Variants in SULT1B1 observed in about 807,000 individuals in gnomAD.
The protein encoded by SULT1B1 is sulfotransferase family 1B member 1.
SULT1B1 carries 28 observed loss-of-function variants against 34.6 expected under a neutral mutation model. The observed-to-expected ratio is 0.81, with a 90% CI of 0.60 to 1.11. SULT1B1 has a LOEUF of 1.11. Ranked by LOEUF, SULT1B1 falls within the 50% of genes least tolerant of loss-of-function variation. SULT1B1 has a pLI of 0.00. For synonymous variants in SULT1B1, 147 were observed against 110.2 expected (o/e 1.33, Z -2.09); for missense variants, 374 against 352.2 (o/e 1.06, Z -0.50).
At chr4:69,760,147 G>A in intron 1 of SULT1B1, 1 of 695,124 alleles carries the variant, frequency 1.4e-6, no homozygotes, top group Non-Finnish European at 1.8e-6. Context: ...AGGACTGGAT[G>A]AAGGATGGGA....
At chr4:69,740,395 G>A (rs560917723) in intron 4 of SULT1B1, among the ~76,000 whole-genome samples, 1 of 152,274 alleles carries the variant, frequency 6.6e-6, no homozygotes, top group South Asian at 2.1e-4. Context: ...GGGAGTTTTA[G>A]CAAGGGAAAT....
In SULT1B1 at chr4:69,760,571, C is replaced by A. The variant is rs1253231757; in HGVS notation, c.-157G>T. ...AGGCAATGGGGAGCACAGGAAGGCT[C>A]CTGGCACCAGAAAAAAAAAAGTTCA... On this transcript the variant is annotated 5_prime_UTR_variant, in exon 1 of 8. Coordinates refer to ENST00000310613, the MANE Select transcript of SULT1B1 (RefSeq NM_014465.4). The A allele has an allele frequency of 6.6e-6, 1 of 152,048 alleles. No homozygotes were observed. Among genetic ancestry groups the A allele is most frequent in the Non-Finnish European group, 1.5e-5 (1 of 68,026 alleles). The allele number at this position is 152,048 out of a possible 1,614,324, so 9.4% of individuals were successfully genotyped here.
intron 4 of SULT1B1, among the ~76,000 whole-genome samples, chr4:69,735,576 T>TGA (rs1718271215): frequency 6.6e-6 from 1 of 152,138 alleles, no homozygotes; most frequent in African/African-American, 2.4e-5. Flanking sequence ...CGAAGGCTTC[T>TGA]CTCCAATTTT....
chr4:69,734,151 G>T lies in SULT1B1; in HGVS notation c.489C>A (p.Phe163Leu). The stretch of plus-strand genomic sequence containing the variant: ...AAGTCCACATACCTTTTCCAGTTAA[G>T]AATTTCTCCAGATATTCTTCCCAGG... ...PGTWEEYLEKFLTGKVAYGSW... is the reference protein window; with the variant it reads ...PGTWEEYLEKLLTGKVAYGSW... Residue 163 changes from phenylalanine (F) to leucine (L), a missense_variant, in exon 5 of 8, where the codon TTC (phenylalanine) becomes TTA (leucine). Transcript: ENST00000310613. 6.2e-7 allele frequency: 1 copy of T among 1,608,924 alleles called. No individual in the cohort carries two copies. The highest frequency in any genetic ancestry group is 8.5e-7 in the Non-Finnish European group (1 of 1,177,490).
Position 69,724,196 on chromosome 4 carries a change from T to C in SULT1B1, c.*2892A>G, listed in dbSNP as rs1467861756. 1 of 152,194 alleles carries C rather than the reference T, an allele frequency of 6.6e-6. No individual in the cohort carries two copies. The highest frequency in any genetic ancestry group is 2.4e-5 in the African/African-American group (1 of 41,450). 9.4% of individuals were successfully genotyped at this position (152,194 alleles called of 1,614,324 possible). On this transcript the variant is annotated 3_prime_UTR_variant, in exon 8 of 8. Coordinates refer to ENST00000310613, the MANE Select transcript of SULT1B1 (RefSeq NM_014465.4). ...GCAAAGTCTCAGGATACAAAATCAA[T>C]GTACAAAAATCACAAGCATTCTTAT...
At chr4:69,729,391 C>T (rs1717971360) in intron 7 of SULT1B1, among the ~76,000 whole-genome samples, 1 of 151,990 alleles carries the variant, frequency 6.6e-6, no homozygotes, top group Admixed American at 6.6e-5. Context: ...TGGAACCAAT[C>T]CCCCACATAT....
intron 4 of SULT1B1, among the ~76,000 whole-genome samples, chr4:69,737,122 C>T (rs11731028): frequency 0.3 from 44,782 of 151,730 alleles, 7,684 homozygotes; most frequent in South Asian, 0.45. Context: ...CAGCACATTG[C>T]ATAATAAAAA....
At chr4:69,732,199 G>A (rs1056073888) in intron 6 of SULT1B1, among the ~76,000 whole-genome samples, 1 of 152,186 alleles carries the variant, frequency 6.6e-6, no homozygotes, top group Admixed American at 6.5e-5. Flanking sequence ...CAAACCCTGT[G>A]TAAAGGGACA....
At position 69,732,601 on chromosome 4, in the gene SULT1B1, A is replaced by G. The variant is rs187467646; in HGVS notation, c.597+812T>C. Among the ~76,000 whole-genome samples, 24 of 152,126 alleles carry G rather than the reference A, an allele frequency of 1.6e-4. No individual in the cohort carries two copies. The East Asian group carries it at 4.6e-3, about 29-fold the overall frequency. ...TTCTAACTTGTATGTTCAGGCTTTT[A>G]TAAGTAAGGAACTAATTTCAACATG... On this transcript the variant is annotated intron_variant, in intron 6 of 7. Coordinates refer to ENST00000310613, the MANE Select transcript of SULT1B1 (RefSeq NM_014465.4).
intron 4 of SULT1B1, among the ~76,000 whole-genome samples, chr4:69,739,227 G>A (rs1718442981): frequency 6.6e-6 from 1 of 152,314 alleles, no homozygotes; most frequent in South Asian, 2.1e-4. Context: ...GGGACTCTGT[G>A]TGGGGGCTCC....
At chr4:69,758,507 T>C in intron 1 of SULT1B1, 1 of 981,324 alleles carries the variant, frequency 1.0e-6, no homozygotes, top group Non-Finnish European at 1.2e-6. Context: ...GAAATATCAA[T>C]GGCACACCTC....
intron 4 of SULT1B1, among the ~76,000 whole-genome samples, chr4:69,741,267 C>T (rs1041700231): frequency 3.3e-5 from 5 of 152,150 alleles, no homozygotes; most frequent in African/African-American, 1.2e-4. Flanking sequence ...TGTACCAGTA[C>T]CATGCTGTGT....
At chr4:69,731,983 A>T (rs1718097285) in intron 6 of SULT1B1, among the ~76,000 whole-genome samples, 1 of 152,224 alleles carries the variant, frequency 6.6e-6, no homozygotes, top group Admixed American at 6.5e-5. Flanking sequence ...TTCTTTTCAT[A>T]AAGCTTTTAA....
chr4:69,749,941 C>A, intron 3 of SULT1B1, 123 bp from the exon 4 acceptor site: 1 of 655,702 alleles, frequency 1.5e-6, no homozygotes, highest in South Asian at 1.8e-5. Context: ...AATTCTGAAA[C>A]AATCACAGGC....
At chr4:69,729,055 TG>T (rs1215064037) in intron 7 of SULT1B1, among the ~76,000 whole-genome samples, 1 of 152,056 alleles carries the variant, frequency 6.6e-6, no homozygotes, top group Non-Finnish European at 1.5e-5. Context: ...CATAATTAGA[TG>T]TCATGAAATG....
chr4:69,759,423 G>A (rs532150639), intron 1 of SULT1B1, among the ~76,000 whole-genome samples: 1 of 152,282 alleles, frequency 6.6e-6, no homozygotes, highest in Non-Finnish European at 1.5e-5. Context: ...GTGACAAAAA[G>A]GTCAGGCACT....
Position 69,724,086 on chromosome 4 carries a change from T to C in SULT1B1, c.*3002A>G, listed in dbSNP as rs1282586894. 2.0e-5 allele frequency: 3 copies of C among 152,302 alleles called. No individual in the cohort carries two copies. The highest frequency in any genetic ancestry group is 1.9e-4 in the East Asian group (1 of 5,176). 9.4% of individuals were successfully genotyped at this position (152,302 alleles called of 1,614,324 possible). A position where few individuals can be genotyped will look rare whatever the true frequency, so the allele number is the denominator to read the frequency against. ...ATTAGGAGAAGAGGAAGTCAAATTGTCCCTGTTTGCAGATGACATGATTGT... is the reference window on the plus strand; with the variant it reads ...ATTAGGAGAAGAGGAAGTCAAATTGCCCCTGTTTGCAGATGACATGATTGT... On this transcript the variant is annotated 3_prime_UTR_variant, in exon 8 of 8. Transcript: ENST00000310613.
Position 69,724,537 on chromosome 4 carries a change from A to G in SULT1B1, c.*2551T>C, listed in dbSNP as rs1472702972. On this transcript the variant is annotated 3_prime_UTR_variant, in exon 8 of 8. Coordinates refer to ENST00000310613, the MANE Select transcript of SULT1B1 (RefSeq NM_014465.4). Reference sequence around the variant, plus strand: ...AAAAAACTACTTTAAAGTTCATAAGAAACCAAAAAAGAGCCCGCATTGCCA... The same window carrying G: ...AAAAAACTACTTTAAAGTTCATAAGGAACCAAAAAAGAGCCCGCATTGCCA... 2.0e-5 allele frequency: 3 copies of G among 151,930 alleles called. No individual in the cohort carries two copies. Among genetic ancestry groups the G allele is most frequent in the African/African-American group, 7.2e-5 (3 of 41,396 alleles). 9.4% of individuals were successfully genotyped at this position (151,930 alleles called of 1,614,324 possible). A position where few individuals can be genotyped will look rare whatever the true frequency, so the allele number is the denominator to read the frequency against.
intron 4 of SULT1B1, among the ~76,000 whole-genome samples, chr4:69,743,832 T>G (rs1377221308): frequency 6.6e-6 from 1 of 151,990 alleles, no homozygotes; most frequent in Non-Finnish European, 1.5e-5. Context: ...AGTGGCCAGA[T>G]AGTGGGAGCA....
Sources: gnomAD v4.1 joint callset for allele counts (sites outside exome capture counted in the v4.1 genomes callset) on GRCh38, gnomAD v4.1.1 for gene constraint, MANE v1.5 for transcripts, NCBI Gene and HGNC (gene_info 2026-07-23, HGNC 2026-07-21) for gene names.